Variants in CDH9 observed in about 807,000 individuals in gnomAD.
CDH9 encodes cadherin-9.
Under a neutral mutation model 70.9 loss-of-function variants are expected in CDH9, and 28 were observed. The observed-to-expected ratio is 0.40, with a 90% CI of 0.29 to 0.54. The LOEUF (loss-of-function observed/expected upper bound fraction) is 0.54, where lower values mean the gene tolerates loss of function less well. Among genes scored for constraint, CDH9 ranks in the 20% least tolerant of loss-of-function variants. CDH9 has a pLI of 0.59. For missense variants in CDH9, 874 were observed against 984.4 expected, an observed-to-expected ratio of 0.89 and a Z score of 1.50; for synonymous variants, 409 against 343.1, an observed-to-expected ratio of 1.19 and a Z score of -2.12.
chr5:27,025,282 C>A (rs1743202526), intron 1 of CDH9, among the ~76,000 whole-genome samples: 2 of 152,038 alleles, frequency 1.3e-5, no homozygotes, highest in Non-Finnish European at 2.9e-5. Flanking sequence ...GTTTTCCAAG[C>A]ATTCTGCTAA....
chr5:26,902,084 G>T (rs933978548), intron 7 of CDH9, among the ~76,000 whole-genome samples: 2 of 151,718 alleles, frequency 1.3e-5, no homozygotes, highest in African/African-American at 4.8e-5. Flanking sequence ...CAAGGACTAC[G>T]GCAACAATAA....
chr5:26,944,275 T>G (rs1344791719), intron 2 of CDH9, among the ~76,000 whole-genome samples: 2 of 152,158 alleles, frequency 1.3e-5, no homozygotes, highest in African/African-American at 4.8e-5. Flanking sequence ...ATCTTTTATT[T>G]TATTTTTATC....
intron 1 of CDH9, among the ~76,000 whole-genome samples, chr5:27,035,711 G>GTGT (rs1743382403): frequency 7.2e-6 from 1 of 138,856 alleles, no homozygotes; most frequent in African/African-American, 2.7e-5. Context: ...TGTGTGTGTG[G>GTGT]GTGTGTGTGG....
chr5:26,966,498 A>T (rs902925418), intron 2 of CDH9, among the ~76,000 whole-genome samples: 4 of 152,138 alleles, frequency 2.6e-5, no homozygotes, highest in Admixed American at 6.5e-5. Context: ...CTTTATTGGC[A>T]TGGTTGTAAC....
At chr5:27,016,156 A>C (rs753859649) in intron 1 of CDH9, among the ~76,000 whole-genome samples, 2 of 151,792 alleles carry the variant, frequency 1.3e-5, no homozygotes, top group Non-Finnish European at 2.9e-5. Context: ...TATCTCAATA[A>C]ATCTCCAACT....
At chr5:26,948,015 C>T (rs1031263585) in intron 2 of CDH9, among the ~76,000 whole-genome samples, 1 of 151,866 alleles carries the variant, frequency 6.6e-6, no homozygotes, top group Non-Finnish European at 1.5e-5. Flanking sequence ...CGAAACTTCT[C>T]CATTTATTGG....
chr5:27,016,149 C>G (rs2112120131), intron 1 of CDH9, among the ~76,000 whole-genome samples: 1 of 151,900 alleles, frequency 6.6e-6, no homozygotes, highest in East Asian at 1.9e-4. Context: ...AGTATAATAT[C>G]TCAATAAATC....
intron 2 of CDH9, among the ~76,000 whole-genome samples, chr5:26,976,786 T>C (rs1742308800): frequency 6.6e-6 from 1 of 152,170 alleles, no homozygotes; most frequent in African/African-American, 2.4e-5. Context: ...GCCACTTGGA[T>C]ATCATCTTTT....
chr5:27,006,422 A>G (rs1246146667), intron 1 of CDH9, among the ~76,000 whole-genome samples: 3 of 152,032 alleles, frequency 2.0e-5, no homozygotes, highest in Non-Finnish European at 4.4e-5. Context: ...CAGGAGATCA[A>G]GGGTAGGAGG....
chr5:27,019,844 T>C (rs1743107379), intron 1 of CDH9, among the ~76,000 whole-genome samples: 1 of 151,916 alleles, frequency 6.6e-6, no homozygotes, highest in African/African-American at 2.4e-5. Context: ...GAGTCATTTC[T>C]CTACATGCAA....
intron 6 of CDH9, 168 bp downstream of exon 6, chr5:26,903,469 G>A (rs772906022): frequency 1.4e-6 from 1 of 705,540 alleles, no homozygotes; most frequent in Non-Finnish European, 2.6e-6. Flanking sequence ...CAATTATGAA[G>A]ACATTTAACT....
rs923626796 is a variant in CDH9 at position 26,881,268 on chromosome 5, T to A, written c.2238A>T (p.Ile746=). 6.2e-6 allele frequency: 10 copies of A among 1,613,572 alleles called. No homozygotes were observed. Among genetic ancestry groups the A allele is most frequent in the Non-Finnish European group, 8.5e-6 (10 of 1,179,598 alleles). The change falls in exon 12 of 12, where the codon ATA becomes ATT. Residue 746 remains isoleucine, a synonymous_variant. Coordinates refer to ENST00000231021, the MANE Select transcript of CDH9 (RefSeq NM_016279.4). ...ATTCCAAAGAACTGAGCGAATCTGC[T>A]ATGGAATCATTCCCTTCATAGGCAT... ...ATYAYEGNDS[I]ADSLSSLESL...
At chr5:26,883,072 TATATATATATATATATATATATAA>T (rs1238076108) in intron 11 of CDH9, among the ~76,000 whole-genome samples, 3 of 129,256 alleles carry the variant, frequency 2.3e-5, no homozygotes, top group Admixed American at 7.7e-5. Flanking sequence ...TATATATATA[TATATATATATATATATATATATAA>T]AACTGCAGTA....
intron 1 of CDH9, 111 bp from the exon 2 acceptor site, chr5:26,988,493 T>C (rs1742526469): frequency 4.8e-6 from 4 of 826,142 alleles, no homozygotes; most frequent in African/African-American, 1.7e-5. Context: ...TTATGTACTA[T>C]ATATACATTA....
intron 7 of CDH9, among the ~76,000 whole-genome samples, chr5:26,892,986 G>A (rs1004587222): frequency 6.6e-6 from 1 of 152,040 alleles, no homozygotes; most frequent in Admixed American, 6.6e-5. Context: ...GCCTGCCTTG[G>A]CCTCCCAAAG....
In CDH9 at chr5:26,948,507, A is replaced by G. The variant is rs561550507; in HGVS notation, c.229-32583T>C. The stretch of plus-strand genomic sequence containing the variant: ...TCTACTGCTAACTCTATGGGTTACG[A>G]ATATGCAACATGTGGCACTACCACT... On this transcript the variant is annotated intron_variant, in intron 2 of 11. Transcript: ENST00000231021. Among the ~76,000 whole-genome samples, 107 of 152,320 alleles carry G rather than the reference A, an allele frequency of 7.0e-4. 1 individual carries two copies. Among genetic ancestry groups the G allele is most frequent in the Non-Finnish European group, 1.4e-3 (97 of 68,018 alleles).
chr5:26,978,788 A>T (rs1280104251), intron 2 of CDH9, among the ~76,000 whole-genome samples: 1 of 151,918 alleles, frequency 6.6e-6, no homozygotes, highest in Non-Finnish European at 1.5e-5. Flanking sequence ...AACAATAAGA[A>T]TAACCGCTAA....
intron 2 of CDH9, among the ~76,000 whole-genome samples, chr5:26,919,438 C>T (rs989335479): frequency 6.6e-6 from 1 of 152,158 alleles, no homozygotes; most frequent in Admixed American, 6.5e-5. Context: ...GCAAGTCCTG[C>T]TACCATGGGC....
intron 1 of CDH9, among the ~76,000 whole-genome samples, chr5:27,017,770 C>A (rs181999370): frequency 6.6e-6 from 1 of 152,114 alleles, no homozygotes; most frequent in East Asian, 1.9e-4. Flanking sequence ...AGCCACATTG[C>A]TGAAGGCAAA....
Sources: gnomAD v4.1 joint callset for allele counts (sites outside exome capture counted in the v4.1 genomes callset) on GRCh38, gnomAD v4.1.1 for gene constraint, MANE v1.5 for transcripts, NCBI Gene and HGNC (gene_info 2026-07-23, HGNC 2026-07-21) for gene names.